Variants in FER observed in about 807,000 individuals in gnomAD.
FER encodes the protein FER tyrosine kinase.
Under a neutral mutation model 111.0 loss-of-function variants are expected in FER, and 63 were observed. The ratio of observed to expected loss-of-function variants is 0.57; its 90% CI spans 0.46 to 0.70. The LOEUF (loss-of-function observed/expected upper bound fraction) is 0.70. FER is among the 30% of genes least tolerant of loss of function. The pLI is 0.00. For synonymous variants in FER, 327 were observed against 313.9 expected (o/e 1.04, Z -0.44); for missense variants, 914 against 954.0 (o/e 0.96, Z 0.55).
intron 16 of FER, among the ~76,000 whole-genome samples, chr5:109,083,413 A>G (rs1364767863): frequency 1.3e-5 from 2 of 152,000 alleles, no homozygotes; most frequent in African/African-American, 4.8e-5. Context: ...TCAATATTCC[A>G]TGGCTATTAT....
At chr5:108,831,658 C>CA (rs1760060630) in intron 3 of FER, among the ~76,000 whole-genome samples, 1 of 152,212 alleles carries the variant, frequency 6.6e-6, no homozygotes, top group South Asian at 2.1e-4. Context: ...TGCAGTGTAT[C>CA]AAAAACAAGA....
At chr5:108,835,211 G>GTCAAGTT (rs1179260090) in intron 4 of FER, among the ~76,000 whole-genome samples, 1 of 70,148 alleles carries the variant, frequency 1.4e-5, no homozygotes. Context: ...TTTTTTTTGA[G>GTCAAGTT]TCAAGTTTCA....
At chr5:108,791,235 A>T in intron 2 of FER, among the ~76,000 whole-genome samples, 1 of 152,204 alleles carries the variant, frequency 6.6e-6, no homozygotes, top group East Asian at 1.9e-4. Context: ...TCTTTTCCGC[A>T]GTGGTTGCAC....
At position 109,118,606 on chromosome 5, in the gene FER, G is replaced by T. The variant is rs148679658; in HGVS notation, c.2048+18087G>T. On this transcript the variant is annotated intron_variant, in intron 17 of 19. Transcript: ENST00000281092. ...GTACCAGTTCCTCCTTGTATCTCTG[G>T]TAGAACTCAGCTGTGAATCCATCTG... Among the ~76,000 whole-genome samples the T allele has an allele frequency of 4.7e-3, 717 of 152,216 alleles. 6 individuals carry two copies. The highest frequency in any genetic ancestry group is 0.016 in the African/African-American group (685 of 41,528).
chr5:109,025,453 T>C (rs2149841954), intron 13 of FER, among the ~76,000 whole-genome samples: 1 of 152,200 alleles, frequency 6.6e-6, no homozygotes, highest in South Asian at 2.1e-4. Flanking sequence ...ATGCTTGTGA[T>C]TTTTGCACAT....
chr5:108,879,140 G>GT (rs1349344041), intron 8 of FER, among the ~76,000 whole-genome samples: 2 of 151,892 alleles, frequency 1.3e-5, no homozygotes, highest in Non-Finnish European at 2.9e-5. Flanking sequence ...TTTTTTCCAG[G>GT]TAGGGTCATT....
intron 13 of FER, among the ~76,000 whole-genome samples, chr5:108,980,378 A>C (rs1258333560): frequency 1.3e-5 from 2 of 152,114 alleles, no homozygotes; most frequent in Non-Finnish European, 2.9e-5. Flanking sequence ...AGACCAAGAA[A>C]ATTTACAAAG....
At chr5:108,910,026 T>A (rs1751326200) in intron 10 of FER, among the ~76,000 whole-genome samples, 1 of 151,980 alleles carries the variant, frequency 6.6e-6, no homozygotes, top group African/African-American at 2.4e-5. Flanking sequence ...CTGGGAATAA[T>A]ATGTACTGCT....
intron 8 of FER, among the ~76,000 whole-genome samples, chr5:108,881,156 C>T (rs781380035): frequency 1.3e-5 from 2 of 152,030 alleles, no homozygotes; most frequent in Non-Finnish European, 2.9e-5. Context: ...AAACACATAC[C>T]ACATAAATAT....
rs1754140325 is a variant in FER at position 109,146,253 on chromosome 5, A to AATATATATATATTATCTATCTAATAT, written c.2049-34482_2049-34481insTATCTATCTAATATATATATATATAT. ...TATCTAATATATATATAATCTATCT[A>AATATATATATATTATCTATCTAATAT]ATATATATATATATATATATATATA... On this transcript the variant is annotated intron_variant, in intron 17 of 19. Transcript: ENST00000281092. Among the ~76,000 whole-genome samples the AATATATATATATTATCTATCTAATAT allele has an allele frequency of 2.4e-3, 102 of 42,070 alleles. 4 individuals carry two copies. The highest frequency in any genetic ancestry group is 5.0e-3 in the South Asian group (7 of 1,394). 27.6% of individuals were successfully genotyped at this position (42,070 alleles called of 152,430 possible).
intron 10 of FER, among the ~76,000 whole-genome samples, chr5:108,926,564 C>A (rs1401238976): frequency 6.6e-6 from 1 of 152,172 alleles, no homozygotes; most frequent in Non-Finnish European, 1.5e-5. Flanking sequence ...ATTGAACTCT[C>A]ATAATTATGA....
chr5:108,959,114 C>T, intron 12 of FER, 111 bp from the exon 13 acceptor site: 1 of 1,063,342 alleles, frequency 9.4e-7, no homozygotes, highest in Non-Finnish European at 1.3e-6. Flanking sequence ...AGTATATTCA[C>T]ATTGTTGTGC....
chr5:108,988,978 G>T (rs1165675077), intron 13 of FER, among the ~76,000 whole-genome samples: 1 of 152,034 alleles, frequency 6.6e-6, no homozygotes, highest in Non-Finnish European at 1.5e-5. Context: ...TTGATACATT[G>T]TGTCATTGTT....
intron 17 of FER, among the ~76,000 whole-genome samples, chr5:109,134,707 C>T (rs1277861939): frequency 6.6e-6 from 1 of 152,124 alleles, no homozygotes; most frequent in Non-Finnish European, 1.5e-5. Context: ...TATAGTCTCT[C>T]TCCTGGATGA....
chr5:109,087,899 C>T (rs1339306927), intron 16 of FER, among the ~76,000 whole-genome samples: 1 of 151,780 alleles, frequency 6.6e-6, no homozygotes, highest in African/African-American at 2.4e-5. Flanking sequence ...GTCCCAGGGA[C>T]AGTCCCTGAA....
At chr5:109,152,731 G>A (rs1754983083) in intron 17 of FER, among the ~76,000 whole-genome samples, 1 of 151,706 alleles carries the variant, frequency 6.6e-6, no homozygotes, top group Admixed American at 6.6e-5. Flanking sequence ...TTTCAGTTTT[G>A]CTATCATGTT....
At chr5:108,835,928 TA>T in intron 5 of FER, 121 bp downstream of exon 5, 1 of 520,926 alleles carries the variant, frequency 1.9e-6, no homozygotes, top group Non-Finnish European at 3.4e-6. Flanking sequence ...AAACTCAAAA[TA>T]AACCCACATT....
intron 16 of FER, 83 bp from the exon 17 acceptor site, chr5:109,100,313 A>C (rs3816024): frequency 6.5e-7 from 1 of 1,539,182 alleles, no homozygotes; most frequent in Non-Finnish European, 8.8e-7. Context: ...TGCTCTGTCA[A>C]ATATTCCTAA....
At position 108,897,784 on chromosome 5, in the gene FER, A is replaced by G. The variant is rs1303379289; in HGVS notation, c.1172A>G (p.Asn391Ser). The change falls in exon 10 of 20, where the codon AAT (asparagine) becomes AGT (serine). Residue 391 changes from asparagine to serine, a missense_variant. By Grantham distance (46) the Asn-to-Ser change is conservative (BLOSUM62 1). Coordinates refer to ENST00000281092, the MANE Select transcript of FER (RefSeq NM_005246.4). Reference protein sequence around the residue: ...KELLEQKVQENDGKEPPPVVN... With the variant: ...KELLEQKVQESDGKEPPPVVN... The stretch of plus-strand genomic sequence containing the variant: ...TTACTAGAGCAAAAAGTGCAAGAAA[A>G]TGATGGGAAAGAGCCACCTCCAGTA... 8 of 1,613,732 alleles carry G rather than the reference A, an allele frequency of 5.0e-6. No individual in the cohort carries two copies. The highest frequency in any genetic ancestry group is 6.8e-6 in the Non-Finnish European group (8 of 1,179,794).
Sources: gnomAD v4.1 joint callset for allele counts (sites outside exome capture counted in the v4.1 genomes callset) on GRCh38, gnomAD v4.1.1 for gene constraint, MANE v1.5 for transcripts, NCBI Gene and HGNC (gene_info 2026-07-23, HGNC 2026-07-21) for gene names.